KMT2C: variants seen among roughly 807,000 people sequenced by gnomAD.
The protein encoded by KMT2C is lysine methyltransferase 2C.
Under a neutral mutation model 507.9 loss-of-function variants are expected in KMT2C, and 88 were observed. The observed-to-expected ratio is 0.17, with a 90% CI of 0.15 to 0.21. The LOEUF is 0.21. Ranked by LOEUF, KMT2C falls within the 10% of genes least tolerant of loss-of-function variation. The pLI is 1.00. For synonymous variants in KMT2C, 2,049 were observed against 2,080.8 expected (o/e 0.98, Z 0.42); for missense variants, 4,954 against 5,957.8 (o/e 0.83, Z 5.55).
intron 6 of KMT2C, among the ~76,000 whole-genome samples, chr7:152,283,316 A>C (rs1424538721): frequency 6.6e-6 from 1 of 152,276 alleles, no homozygotes; most frequent in East Asian, 1.9e-4. Context: ...CTATTACAGA[A>C]GAGTTAAATA....
rs547405466 is a variant in KMT2C, at chr7:152,415,875, G to A, written c.161+19751C>T. On this transcript the variant is annotated intron_variant, in intron 1 of 58. Transcript: ENST00000262189. ...AGCCTGGGCAACAGTGTAAGACTCA[G>A]GTCTCAAAGAAAAAAGAAAAAGAAA... is the stretch of plus-strand genomic sequence containing the variant. Among the ~76,000 whole-genome samples, 1,153 of 152,176 alleles carry A rather than the reference G, an allele frequency of 7.6e-3. 6 individuals carry two copies. Among genetic ancestry groups the A allele is most frequent in the African/African-American group, 0.027 (1,110 of 41,524 alleles).
At chr7:152,226,183 T>TA (rs1319049333) in intron 18 of KMT2C, among the ~76,000 whole-genome samples, 1 of 149,110 alleles carries the variant, frequency 6.7e-6, no homozygotes, top group Non-Finnish European at 1.5e-5. Flanking sequence ...GACGTGGAGG[T>TA]AGAGTAAGAC....
At chr7:152,330,560 C>T (rs1269876030) in intron 3 of KMT2C, 41 bp downstream of exon 3, 8 of 1,589,980 alleles carry the variant, frequency 5.0e-6, no homozygotes, top group Non-Finnish European at 6.9e-6. Flanking sequence ...CTGCTTTATT[C>T]CTGTCACTAA....
intron 18 of KMT2C, among the ~76,000 whole-genome samples, chr7:152,224,827 CA>C (rs999875856): frequency 5.9e-5 from 9 of 152,250 alleles, no homozygotes; most frequent in Admixed American, 2.6e-4. Flanking sequence ...GAAAATGGCA[CA>C]TATTTTAACG....
rs928526674 is a variant in KMT2C, at chr7:152,357,976, GAGAGA to G, written c.250+606_250+610del. 6.0e-4 allele frequency among the ~76,000 whole-genome samples: 91 copies of G among 152,270 alleles called. 1 individual carries two copies. The Middle Eastern group carries it at 0.024, about 40-fold the overall frequency. ...AACAACTATTGAAAACTTTACCAAT[GAGAGA>G]CTATCTCCTACAGGTATCCTCTCAA... On this transcript the variant is annotated intron_variant, in intron 2 of 58. Coordinates refer to ENST00000262189, the MANE Select transcript of KMT2C (RefSeq NM_170606.3).
intron 2 of KMT2C, among the ~76,000 whole-genome samples, chr7:152,340,341 T>C (rs1159415468): frequency 6.6e-6 from 1 of 152,020 alleles, no homozygotes; most frequent in African/African-American, 2.4e-5. Context: ...CTCCAGAGAA[T>C]GGCAATACTT....
chr7:152,334,258 C>T (rs1386515697), intron 2 of KMT2C, among the ~76,000 whole-genome samples: 1 of 152,090 alleles, frequency 6.6e-6, no homozygotes, highest in Non-Finnish European at 1.5e-5. Context: ...GAGTTCGAGA[C>T]CAGCCTCAAC....
At chr7:152,297,278 A>T (rs753593298) in intron 6 of KMT2C, among the ~76,000 whole-genome samples, 3 of 152,014 alleles carry the variant, frequency 2.0e-5, no homozygotes, top group Non-Finnish European at 4.4e-5. Context: ...ATCTCAGCTG[A>T]CTCCTGAGTT....
chr7:152,429,902 C>A (rs1334582984), intron 1 of KMT2C, among the ~76,000 whole-genome samples: 1 of 151,310 alleles, frequency 6.6e-6, no homozygotes, highest in East Asian at 2.0e-4. Context: ...CTCAGCCGGG[C>A]GTGGTGGCTC....
rs1214540090 is a variant in KMT2C at position 152,181,846 on chromosome 7, T to A, written c.6014A>T (p.Asp2005Val). The A allele has an allele frequency of 6.2e-7, 1 of 1,614,058 alleles. No homozygotes were observed. The highest frequency in any genetic ancestry group is 8.5e-7 in the Non-Finnish European group (1 of 1,180,042). Residue 2005 changes from aspartate to valine, a missense_variant, in exon 36 of 59, where the codon GAT (aspartate) becomes GTT (valine). Asp to Val is a radical substitution (Grantham distance 152, BLOSUM62 -3). Transcript: ENST00000262189. ...AKGPIAAGTSDHFTKPSPRAD... is the reference protein window; with the variant it reads ...AKGPIAAGTSVHFTKPSPRAD... Reference sequence around the variant, plus strand: ...CCTAGGAGATGGTTTAGTAAAGTGATCACTGGTTCCAGCTGCTATAGGGCC... The same window carrying A: ...CCTAGGAGATGGTTTAGTAAAGTGAACACTGGTTCCAGCTGCTATAGGGCC...
In KMT2C at chr7:152,388,316, T is replaced by C. The variant is rs1323063690; in HGVS notation, c.162-29641A>G. 2.0e-5 allele frequency among the ~76,000 whole-genome samples: 3 copies of C among 149,906 alleles called. No homozygotes were observed. In the East Asian group the frequency reaches 6.0e-4, roughly 30 times the overall value. ...GATCACGCCTGTAATCCCAACACTT[T>C]GGAATGCCGAGGTGGGTGGACCTCC... On this transcript the variant is annotated intron_variant, in intron 1 of 58. Coordinates refer to ENST00000262189, the MANE Select transcript of KMT2C (RefSeq NM_170606.3).
Position 152,259,444 on chromosome 7 carries a change from G to GCACACACA in KMT2C, c.1299+3571_1299+3572insTGTGTGTG, listed in dbSNP as rs751421198. Among the ~76,000 whole-genome samples, 284 of 85,420 alleles carry GCACACACA rather than the reference G, an allele frequency of 3.3e-3. 1 individual carries two copies. The highest frequency in any genetic ancestry group is 0.015 in the African/African-American group (267 of 17,640). The allele number at this position is 85,420 out of a possible 152,430, so 56.0% of individuals were successfully genotyped here. Reference sequence around the variant, plus strand: ...GAGACAAAAACACAGACACACACACGCGCACACACACACACACACACACAC... The same window carrying GCACACACA: ...GAGACAAAAACACAGACACACACACGCACACACACGCACACACACACACACACACACAC... On this transcript the variant is annotated intron_variant, in intron 9 of 58. Transcript: ENST00000262189.
intron 2 of KMT2C, among the ~76,000 whole-genome samples, chr7:152,342,452 T>C (rs576901044): frequency 1.3e-5 from 2 of 152,342 alleles, no homozygotes; most frequent in East Asian, 3.9e-4. Context: ...GATATAACTA[T>C]AGTTAATACA....
At chr7:152,229,670 T>G (rs1292988565) in intron 18 of KMT2C, among the ~76,000 whole-genome samples, 1 of 152,168 alleles carries the variant, frequency 6.6e-6, no homozygotes, top group Non-Finnish European at 1.5e-5. Flanking sequence ...TACTATAAAT[T>G]GTCTTTTAAA....
chr7:152,265,072 G>C lies in KMT2C; in HGVS notation c.1150C>G (p.Gln384Glu), dbSNP rs2095841110. The C allele has an allele frequency of 6.2e-7, 1 of 1,613,786 alleles. No individual in the cohort carries two copies. Among genetic ancestry groups the C allele is most frequent in the Admixed American group, 1.7e-5 (1 of 60,018 alleles). The part of the protein sequence containing the change: ...AVTPLKRAGW[Q>E]CPECKVCQNC... ...TGGCACACTTTGCACTCAGGACATT[G>C]CCAACCTGCACGTTTTAATGGAGTA... The change falls in exon 8 of 59, where the codon CAA becomes GAA. Residue 384 changes from glutamine (Q) to glutamate (E), a missense_variant. Gln to Glu is a conservative substitution (Grantham distance 29). Around this residue, in one of 29 missense-constraint regions of KMT2C, gnomAD observed 2 missense variants for 75.2 expected, o/e 0.03. Coordinates refer to ENST00000262189, the MANE Select transcript of KMT2C (RefSeq NM_170606.3).
At chr7:152,319,613 T>C (rs949819377) in intron 3 of KMT2C, among the ~76,000 whole-genome samples, 13 of 152,036 alleles carry the variant, frequency 8.6e-5, no homozygotes, top group Non-Finnish European at 1.9e-4. Flanking sequence ...CCTCCACCTC[T>C]TGTGGAGGGC....
chr7:152,330,650 C>A lies in KMT2C; in HGVS notation c.340G>T (p.Glu114Ter), dbSNP rs1253345256. The part of the protein sequence containing the change: ...LIPTLQRSVS[E>*]ESANSLVSVG... ...GAGACCAGGGAGTTTGCCGATTCCT[C>A]AGACACAGATCGCTGAAGAGTTGGA... The change falls in exon 3 of 59, where the codon GAG becomes TAG. Residue 114 changes from glutamate (E) to a stop codon, truncating the protein, a stop_gained. Coordinates refer to ENST00000262189, the MANE Select transcript of KMT2C (RefSeq NM_170606.3). LOFTEE classifies it high-confidence loss of function. The A allele has an allele frequency of 6.2e-7, 1 of 1,614,172 alleles. No individual in the cohort carries two copies.
chr7:152,423,069 G>T (rs1021281767), intron 1 of KMT2C, among the ~76,000 whole-genome samples: 1 of 151,160 alleles, frequency 6.6e-6, no homozygotes, highest in Non-Finnish European at 1.5e-5. Flanking sequence ...AGCCGGGTGC[G>T]GTGGCTCACG....
intron 28 of KMT2C, chr7:152,195,695 T>C: frequency 3.4e-6 from 1 of 297,484 alleles, no homozygotes; most frequent in Non-Finnish European, 5.0e-6. Flanking sequence ...TGTGATGCAA[T>C]TAGAAAGACG....
Sources: allele counts gnomAD v4.1 joint callset (sites outside exome capture counted in the v4.1 genomes callset), GRCh38; gene constraint gnomAD v4.1.1; regional missense constraint gnomAD v4.1.1; transcripts MANE v1.5; gene names NCBI Gene and HGNC (gene_info 2026-07-23, HGNC 2026-07-21).